The following CHM variants were observed in gnomAD, a reference collection of about 807,000 sequenced individuals.
CHM encodes the protein CHM Rab escort protein.
Under a neutral mutation model 49.0 loss-of-function variants are expected in CHM, and 10 were observed. The ratio of observed to expected loss-of-function variants is 0.20; its 90% CI spans 0.13 to 0.35. The LOEUF (loss-of-function observed/expected upper bound fraction) is 0.35, where lower values mean the gene tolerates loss of function less well. Ranked by LOEUF, CHM falls within the 10% of genes least tolerant of loss-of-function variation. The probability of loss-of-function intolerance (pLI) is 1.00; values close to 1 mark genes in which losing one functional copy is unlikely to be tolerated. For synonymous variants in CHM, 184 were observed against 167.5 expected (o/e 1.10, Z -0.76); for missense variants, 455 against 478.4 (o/e 0.95, Z 0.46).
At chrX:85,988,077 C>T (rs996362722) in intron 2 of CHM, among the ~76,000 whole-genome samples, 2 of 112,118 alleles carry the variant, frequency 1.8e-5, no homozygotes, top group African/African-American at 6.5e-5. Flanking sequence ...GGGCCAGTAT[C>T]CTTGATTGAA....
chrX:85,896,141 AAAAAAAAAAAAG>A (rs1390308102), intron 11 of CHM, among the ~76,000 whole-genome samples: 1 of 103,432 alleles, frequency 9.7e-6, no homozygotes. Flanking sequence ...GCACAACTCA[AAAAAAAAAAAAG>A]AAAAAAAAAA....
chrX:85,962,826 T>C (rs182018705), intron 5 of CHM, among the ~76,000 whole-genome samples: 1 of 111,653 alleles, frequency 9.0e-6, no homozygotes, highest in East Asian at 2.8e-4. Flanking sequence ...AAATGCAATA[T>C]TGTACGCTTC....
chrX:85,905,319 A>G (rs1345219631), intron 9 of CHM, among the ~76,000 whole-genome samples: 1 of 111,592 alleles, frequency 9.0e-6, no homozygotes, highest in African/African-American at 3.3e-5. Context: ...GACTCTTACA[A>G]TGTCTAATAT....
intron 14 of CHM, among the ~76,000 whole-genome samples, chrX:85,867,548 G>A (rs529233354): frequency 8.9e-6 from 1 of 112,193 alleles, no homozygotes; most frequent in African/African-American, 3.2e-5. Context: ...TTCACTGTTT[G>A]TTCAACTATT....
At chrX:86,046,829 A>G (rs1408829437) in intron 1 of CHM, among the ~76,000 whole-genome samples, 1 of 111,818 alleles carries the variant, frequency 8.9e-6, no homozygotes, top group African/African-American at 3.3e-5. Flanking sequence ...TCAGGACCTT[A>G]TTCTCAGCAC....
At chrX:86,007,941 TAA>T (rs779601684) in intron 2 of CHM, among the ~76,000 whole-genome samples, 1 of 112,134 alleles carries the variant, frequency 8.9e-6, no homozygotes, top group East Asian at 2.8e-4. Flanking sequence ...CATGCTACTA[TAA>T]AGACACATGC....
intron 8 of CHM, among the ~76,000 whole-genome samples, chrX:85,935,373 G>C (rs1303775358): frequency 9.0e-6 from 1 of 111,579 alleles, no homozygotes; most frequent in Non-Finnish European, 1.9e-5. Context: ...ATTTGGAGGA[G>C]ATAAATATCT....
At chrX:85,936,812 GT>G (rs1027785320) in intron 8 of CHM, among the ~76,000 whole-genome samples, 8 of 111,759 alleles carry the variant, frequency 7.2e-5, no homozygotes, top group African/African-American at 2.6e-4. Flanking sequence ...GGCTGCCTTT[GT>G]TTTGTTTGTT....
intron 1 of CHM, among the ~76,000 whole-genome samples, chrX:86,028,582 A>G (rs1215799490): frequency 8.9e-6 from 1 of 111,903 alleles, no homozygotes; most frequent in African/African-American, 3.2e-5. Context: ...TATTTCTACC[A>G]GCACCAACCA....
intron 2 of CHM, among the ~76,000 whole-genome samples, chrX:86,024,989 T>C (rs1933745969): frequency 9.0e-6 from 1 of 111,108 alleles, no homozygotes; most frequent in Non-Finnish European, 1.9e-5. Context: ...AGATATCAGA[T>C]GATAGGCTAT....
chrX:85,993,619 C>G (rs943828942), intron 2 of CHM, among the ~76,000 whole-genome samples: 5 of 111,835 alleles, frequency 4.5e-5, no homozygotes, highest in African/African-American at 1.6e-4. Flanking sequence ...ATAGTAGAGT[C>G]CAAAATTCTT....
chrX:85,897,597 G>C (rs1032495556), intron 11 of CHM, among the ~76,000 whole-genome samples: 47 of 110,295 alleles, frequency 4.3e-4, no homozygotes, highest in Non-Finnish European at 9.5e-5. Flanking sequence ...AGGTTGGTGG[G>C]GGAGGGGCAG....
intron 12 of CHM, among the ~76,000 whole-genome samples, chrX:85,891,329 C>T (rs1314943936): frequency 1.8e-5 from 2 of 111,900 alleles, no homozygotes; most frequent in Admixed American, 1.9e-4. Context: ...GTCTCCAGGC[C>T]ACGTCAGAGA....
chrX:85,891,625 C>A (rs961138296), intron 12 of CHM, among the ~76,000 whole-genome samples: 3 of 112,438 alleles, frequency 2.7e-5, no homozygotes, highest in African/African-American at 6.5e-5. Context: ...TATGGAAATG[C>A]CTGGATGCCC....
chrX:85,898,007 G>A (rs1247145478), intron 11 of CHM, among the ~76,000 whole-genome samples: 2 of 111,180 alleles, frequency 1.8e-5, no homozygotes, highest in African/African-American at 6.5e-5. Flanking sequence ...AACAGGGAAT[G>A]AGGAATTGTA....
chrX:85,952,216 T>C (rs1328776314), intron 8 of CHM, among the ~76,000 whole-genome samples: 1 of 110,841 alleles, frequency 9.0e-6, no homozygotes, highest in Non-Finnish European at 1.9e-5. Flanking sequence ...GCACATGACC[T>C]AGGGAGAAAC....
In CHM at chrX:85,864,514, A is replaced by G. The variant is rs1053560360; in HGVS notation, c.*116T>C. ...ATCCCCTTTTGGATTTCTATTACCT[A>G]TTTTGCCTTATAATTGCTGCTGCTT... On this transcript the variant is annotated 3_prime_UTR_variant, in exon 15 of 15. Transcript: ENST00000357749. 2 of 619,049 alleles carry G rather than the reference A, an allele frequency of 3.2e-6. No homozygotes were observed. Among genetic ancestry groups the G allele is most frequent in the East Asian group, 3.6e-5 (1 of 28,101 alleles). 51.0% of individuals were successfully genotyped at this position (619,049 alleles called of 1,213,427 possible).
intron 9 of CHM, among the ~76,000 whole-genome samples, chrX:85,910,724 T>A (rs1314153977): frequency 1.8e-5 from 2 of 111,237 alleles, no homozygotes. Flanking sequence ...AAGTCTTTTC[T>A]CTTGGAGTGA....
Position 86,017,779 on chromosome X carries a change from G to C in CHM, c.116+9712C>G, listed in dbSNP as rs753424842. Reference sequence around the variant, plus strand: ...AAAGCTAGAAAAAAGAAAAAATCTAGGCAAATGGAGTAATTACACAAGGAT... The same window carrying C: ...AAAGCTAGAAAAAAGAAAAAATCTACGCAAATGGAGTAATTACACAAGGAT... On this transcript the variant is annotated intron_variant, in intron 2 of 14. Coordinates refer to ENST00000357749, the MANE Select transcript of CHM (RefSeq NM_000390.4). 2.7e-5 allele frequency among the ~76,000 whole-genome samples: 3 copies of C among 111,523 alleles called. No homozygotes were observed. The East Asian group carries it at 8.5e-4, about 32-fold the overall frequency.
Sources: allele counts gnomAD v4.1 joint callset (sites outside exome capture counted in the v4.1 genomes callset), GRCh38; gene constraint gnomAD v4.1.1; transcripts MANE v1.5; gene names NCBI Gene and HGNC (gene_info 2026-07-23, HGNC 2026-07-21).